CPED1: variants seen among roughly 807,000 people sequenced by gnomAD.
CPED1 encodes cadherin like and PC-esterase domain containing 1.
Under a neutral mutation model 128.2 loss-of-function variants are expected in CPED1, and 114 were observed. The observed-to-expected ratio is 0.89, with a 90% CI of 0.76 to 1.04. The LOEUF (loss-of-function observed/expected upper bound fraction) is 1.04, where lower values mean the gene tolerates loss of function less well. Ranked by LOEUF, CPED1 falls within the 50% of genes least tolerant of loss-of-function variation. The probability of loss-of-function intolerance (pLI) is 0.00; values close to 1 mark genes in which losing one functional copy is unlikely to be tolerated. For synonymous variants in CPED1, 462 were observed against 426.7 expected (o/e 1.08, Z -1.02); for missense variants, 1,211 against 1,207.1 (o/e 1.00, Z -0.05).
intron 16 of CPED1, among the ~76,000 whole-genome samples, chr7:121,202,737 G>A (rs1474683782): frequency 1.3e-5 from 2 of 152,076 alleles, no homozygotes; most frequent in Non-Finnish European, 2.9e-5. Context: ...GTAGTGAGCA[G>A]TCTGTAAGTA....
At chr7:121,047,014 C>A in intron 4 of CPED1, 21 bp downstream of exon 4, 1 of 1,474,216 alleles carries the variant, frequency 6.8e-7, no homozygotes, top group Non-Finnish European at 9.5e-7. Flanking sequence ...TCAAGATGTG[C>A]ACAGATTTTA....
chr7:121,144,020 C>G (rs1795965123), intron 16 of CPED1, among the ~76,000 whole-genome samples: 1 of 151,884 alleles, frequency 6.6e-6, no homozygotes, highest in Admixed American at 6.6e-5. Flanking sequence ...TTCATAAAAA[C>G]AAGCCAGACA....
intron 14 of CPED1, among the ~76,000 whole-genome samples, chr7:121,137,587 A>G (rs924336024): frequency 1.2e-4 from 18 of 152,076 alleles, no homozygotes; most frequent in African/African-American, 4.3e-4. Context: ...GTAGGCTGAG[A>G]GGTTATAATA....
intron 2 of CPED1, among the ~76,000 whole-genome samples, chr7:120,990,836 C>T (rs1258289080): frequency 6.6e-6 from 1 of 152,180 alleles, no homozygotes; most frequent in Non-Finnish European, 1.5e-5. Context: ...TCCGTTGCTA[C>T]CATTATTACC....
intron 16 of CPED1, among the ~76,000 whole-genome samples, chr7:121,224,787 CTTTTT>C (rs143087799): frequency 8.9e-5 from 5 of 56,246 alleles, no homozygotes; most frequent in East Asian, 6.8e-4. Flanking sequence ...GCAACCCCTG[CTTTTT>C]TTTTTTTTTT....
chr7:121,133,526 A>G (rs1307653233), intron 12 of CPED1, among the ~76,000 whole-genome samples: 2 of 152,090 alleles, frequency 1.3e-5, no homozygotes, highest in Non-Finnish European at 2.9e-5. Context: ...AAGAATGTGT[A>G]TTCTTGAATC....
chr7:121,224,795 T>C (rs1797962572), intron 16 of CPED1, among the ~76,000 whole-genome samples: 1 of 145,424 alleles, frequency 6.9e-6, no homozygotes, highest in East Asian at 2.0e-4. Flanking sequence ...TGCTTTTTTT[T>C]TTTTTTTTTT....
chr7:121,228,896 C>T (rs913618586), intron 16 of CPED1, among the ~76,000 whole-genome samples: 7 of 152,006 alleles, frequency 4.6e-5, no homozygotes, highest in African/African-American at 1.7e-4. Context: ...ACAAATATTA[C>T]ATGTTCTCAC....
chr7:121,028,969 T>A (rs956301944), intron 3 of CPED1, among the ~76,000 whole-genome samples: 2 of 152,116 alleles, frequency 1.3e-5, no homozygotes, highest in African/African-American at 4.8e-5. Context: ...CTAATAATAA[T>A]AAACCATTTT....
At chr7:121,004,913 G>A (rs1431086408) in intron 2 of CPED1, among the ~76,000 whole-genome samples, 1 of 152,162 alleles carries the variant, frequency 6.6e-6, no homozygotes, top group Non-Finnish European at 1.5e-5. Flanking sequence ...CCAAATCTAA[G>A]AAGTATGTTC....
chr7:121,090,699 A>G (rs1794552183), intron 5 of CPED1, among the ~76,000 whole-genome samples: 1 of 152,230 alleles, frequency 6.6e-6, no homozygotes, highest in South Asian at 2.1e-4. Flanking sequence ...CTGTAATCCT[A>G]GCACTTTGGG....
intron 14 of CPED1, among the ~76,000 whole-genome samples, chr7:121,137,096 T>C (rs1170535650): frequency 6.6e-6 from 1 of 151,808 alleles, no homozygotes; most frequent in Non-Finnish European, 1.5e-5. Context: ...AAATTTAGTT[T>C]TCCACAAATA....
intron 18 of CPED1, among the ~76,000 whole-genome samples, chr7:121,253,444 C>A (rs1192661557): frequency 6.6e-6 from 1 of 151,472 alleles, no homozygotes; most frequent in Non-Finnish European, 1.5e-5. Context: ...CACATGTACC[C>A]TAAAACTTAA....
At chr7:121,256,135 A>AAAAAAAAAAAAAAAAAAAAAAAAAC (rs1562852781) in intron 18 of CPED1, among the ~76,000 whole-genome samples, 5 of 148,976 alleles carry the variant, frequency 3.4e-5, no homozygotes, top group African/African-American at 1.2e-4. Flanking sequence ...AAAACAAAAA[A>AAAAAAAAAAAAAAAAAAAAAAAAAC]AAAAAACAAA....
chr7:121,195,165 A>G (rs73436048), intron 16 of CPED1: 145 of 152,262 alleles, frequency 9.5e-4, no homozygotes, highest in African/African-American at 3.2e-3. Context: ...AAAATAGGAG[A>G]TACAAATAGA....
chr7:121,285,259 G>A (rs573986832), intron 22 of CPED1, among the ~76,000 whole-genome samples: 5 of 152,170 alleles, frequency 3.3e-5, no homozygotes, highest in Non-Finnish European at 7.3e-5. Context: ...CAGAGCATGA[G>A]GCCTTAGGCC....
At chr7:121,137,630 A>G (rs1236038134) in intron 14 of CPED1, among the ~76,000 whole-genome samples, 2 of 152,120 alleles carry the variant, frequency 1.3e-5, no homozygotes, top group African/African-American at 4.8e-5. Context: ...TATATAGCCA[A>G]TTAAAGAAAA....
intron 3 of CPED1, among the ~76,000 whole-genome samples, chr7:121,039,481 A>C (rs1219958066): frequency 1.3e-5 from 2 of 152,042 alleles, no homozygotes; most frequent in Non-Finnish European, 2.9e-5. Context: ...TGGTATTATA[A>C]ACCAACATTT....
chr7:121,081,592 A>G (rs573606744), intron 5 of CPED1, among the ~76,000 whole-genome samples: 1 of 152,168 alleles, frequency 6.6e-6, no homozygotes, highest in Non-Finnish European at 1.5e-5. Flanking sequence ...GCAGCTGTGC[A>G]ATCCCAGTGT....
Sources: allele counts gnomAD v4.1 joint callset (sites outside exome capture counted in the v4.1 genomes callset), GRCh38; gene constraint gnomAD v4.1.1; transcripts MANE v1.5; gene names NCBI Gene and HGNC (gene_info 2026-07-23, HGNC 2026-07-21).